The following CPVL variants were observed in gnomAD, a reference collection of about 807,000 sequenced individuals.
CPVL encodes the protein carboxypeptidase vitellogenic like.
CPVL carries 51 observed loss-of-function variants against 63.7 expected under a neutral mutation model. The ratio of observed to expected loss-of-function variants is 0.80; its 90% confidence interval spans 0.64 to 1.01. The LOEUF (loss-of-function observed/expected upper bound fraction) is 1.01, where lower values mean the gene tolerates loss of function less well. Ranked by LOEUF, CPVL falls within the 50% of genes least tolerant of loss-of-function variation. The pLI is 0.00. For missense variants in CPVL, 530 were observed against 573.1 expected (o/e 0.92, Z 0.77); for synonymous variants, 195 against 206.0 (o/e 0.95, Z 0.46).
chr7:29,100,248 A>C (rs1786971615), intron 3 of CPVL, among the ~76,000 whole-genome samples: 1 of 152,030 alleles, frequency 6.6e-6, no homozygotes, highest in African/African-American at 2.4e-5. Flanking sequence ...CTACATGTGA[A>C]CTCCCAGAAG....
intron 9 of CPVL, 49 bp downstream of exon 9, chr7:29,071,724 C>A: frequency 1.4e-6 from 2 of 1,437,984 alleles, no homozygotes; most frequent in East Asian, 2.6e-5. Flanking sequence ...CCCTCCCTCC[C>A]CAGATGGTTT....
chr7:29,139,065 G>A (rs13233841), intron 1 of CPVL, among the ~76,000 whole-genome samples: 1 of 152,132 alleles, frequency 6.6e-6, no homozygotes, highest in African/African-American at 2.4e-5. Flanking sequence ...GCTGAGAAAA[G>A]GTAGAAGGAG....
intron 4 of CPVL, among the ~76,000 whole-genome samples, chr7:29,095,832 T>C (rs1405669807): frequency 6.6e-6 from 1 of 152,160 alleles, no homozygotes; most frequent in Non-Finnish European, 1.5e-5. Flanking sequence ...ACCAACTGTT[T>C]TGCAAACCCA....
At chr7:29,078,439 G>A (rs1239826699) in intron 7 of CPVL, among the ~76,000 whole-genome samples, 1 of 152,212 alleles carries the variant, frequency 6.6e-6, no homozygotes. Flanking sequence ...GACTCAATGA[G>A]ATGAATAAAC....
intron 9 of CPVL, among the ~76,000 whole-genome samples, chr7:29,068,381 C>T (rs1199178057): frequency 1.3e-5 from 2 of 152,132 alleles, no homozygotes; most frequent in Non-Finnish European, 2.9e-5. Context: ...GGGCTAGAGG[C>T]CAAGAATGAA....
Position 29,072,302 on chromosome 7 carries a change from G to A in CPVL, c.731C>T (p.Ser244Leu), listed in dbSNP as rs1783826494. 1.2e-6 allele frequency: 2 copies of A among 1,613,892 alleles called. No individual in the cohort carries two copies. The highest frequency in any genetic ancestry group is 2.2e-5 in the South Asian group (2 of 91,044). The change falls in exon 8 of 13, where the codon TCA becomes TTA. Residue 244 changes from serine to leucine, a missense_variant and splice_region_variant. Coordinates refer to ENST00000265394, the MANE Select transcript of CPVL (RefSeq NM_031311.5). ...AIGDGYSDPE[S>L]IIGGYAEFLY... ...AGAAAGTCAGAAGGAGAAACCTACTGATTCGGGATCAGAATATCCATCTCC... is the reference window on the plus strand; with the variant it reads ...AGAAAGTCAGAAGGAGAAACCTACTAATTCGGGATCAGAATATCCATCTCC...
chr7:29,065,018 G>A (rs1783012522), intron 10 of CPVL, among the ~76,000 whole-genome samples: 1 of 150,652 alleles, frequency 6.6e-6, no homozygotes, highest in South Asian at 2.1e-4. Context: ...ACTTTATGAA[G>A]GACACAAGAC....
chr7:29,031,587 C>T (rs901804597), intron 11 of CPVL, among the ~76,000 whole-genome samples: 23 of 152,166 alleles, frequency 1.5e-4, no homozygotes, highest in Middle Eastern at 3.4e-3. Context: ...CAATTTTCTG[C>T]CCCCAAACTT....
Position 29,088,076 on chromosome 7 carries a change from T to C in CPVL, c.543-1526A>G, listed in dbSNP as rs971060343. The stretch of plus-strand genomic sequence containing the variant: ...TGGAATGGCAGGAGATAATTTAGCA[T>C]AGTAAATCTCAATTAAGCCTTTGGC... On this transcript the variant is annotated intron_variant, in intron 6 of 12. Coordinates refer to ENST00000265394, the MANE Select transcript of CPVL (RefSeq NM_031311.5). Among the ~76,000 whole-genome samples the C allele has an allele frequency of 6.6e-5, 10 of 152,344 alleles. No individual in the cohort carries two copies. In the East Asian group the frequency reaches 9.6e-4, roughly 15 times the overall value.
At chr7:29,135,927 G>GT (rs1394612324) in intron 1 of CPVL, among the ~76,000 whole-genome samples, 8 of 151,984 alleles carry the variant, frequency 5.3e-5, no homozygotes, top group South Asian at 4.2e-4. Context: ...GAACCAGCCA[G>GT]TTTTTTTTGT....
At chr7:29,112,091 G>A (rs185035015) in intron 3 of CPVL, among the ~76,000 whole-genome samples, 1 of 152,224 alleles carries the variant, frequency 6.6e-6, no homozygotes, top group Non-Finnish European at 1.5e-5. Flanking sequence ...TGTCTATAGA[G>A]ATTTGGGAAA....
At chr7:29,074,725 GCTCTCT>G (rs140532968) in intron 7 of CPVL, among the ~76,000 whole-genome samples, 3 of 146,710 alleles carry the variant, frequency 2.0e-5, no homozygotes, top group Admixed American at 1.4e-4. Flanking sequence ...CCCTGCCCAT[GCTCTCT>G]CTCTCTCTCT....
At chr7:29,013,791 C>T (rs999282788) in intron 12 of CPVL, among the ~76,000 whole-genome samples, 5 of 152,218 alleles carry the variant, frequency 3.3e-5, no homozygotes, top group African/African-American at 9.6e-5. Flanking sequence ...TCAGCTCCTT[C>T]GGGGTCTGCC....
Position 29,072,394 on chromosome 7 carries a change from A to C in CPVL, c.639T>G (p.Ile213Met). 2 of 1,614,060 alleles carry C rather than the reference A, an allele frequency of 1.2e-6. No individual in the cohort carries two copies. Among genetic ancestry groups the C allele is most frequent in the African/African-American group, 1.3e-5 (1 of 75,054 alleles). ...ESYAGKYVPA[I>M]AHLIHSLNPV... ...GGTTGAGGGAATGGATGAGGTGTGC[A>C]ATGGCTGGCACATATTTCCCTGCAT... The change falls in exon 8 of 13, where the codon ATT (isoleucine) becomes ATG (methionine). Residue 213 changes from isoleucine to methionine, a missense_variant. Transcript: ENST00000265394.
At chr7:29,194,982 T>C (rs770434026) in intron 1 of CPVL, 11 of 1,586,330 alleles carry the variant, frequency 6.9e-6, no homozygotes, top group Non-Finnish European at 9.4e-6. Flanking sequence ...GGCTCGTCGG[T>C]GTCCTCCGGT....
chr7:29,000,602 A>G (rs1784532601), intron 12 of CPVL, among the ~76,000 whole-genome samples: 1 of 152,150 alleles, frequency 6.6e-6, no homozygotes, highest in South Asian at 2.1e-4. Flanking sequence ...AACAGAAGAG[A>G]CAGATGAACA....
In CPVL at chr7:29,007,188, T is replaced by C. The variant is rs140600034; in HGVS notation, c.1321-11306A>G. Reference sequence around the variant, plus strand: ...AAGTTACGCATTGTTGCCTAGCTGTTACACCTCAATAAATAGATTTGCTAG... The same window carrying C: ...AAGTTACGCATTGTTGCCTAGCTGTCACACCTCAATAAATAGATTTGCTAG... On this transcript the variant is annotated intron_variant, in intron 12 of 12. Transcript: ENST00000265394. Among the ~76,000 whole-genome samples the C allele has an allele frequency of 2.8e-3, 429 of 152,338 alleles. 1 individual carries two copies. The highest frequency in any genetic ancestry group is 9.8e-3 in the African/African-American group (409 of 41,582).
chr7:29,043,855 C>T (rs889115448), intron 11 of CPVL, among the ~76,000 whole-genome samples: 11 of 152,170 alleles, frequency 7.2e-5, no homozygotes, highest in Middle Eastern at 3.4e-3. Flanking sequence ...AGTGTGACAA[C>T]GTGGCTTTCT....
In CPVL at chr7:29,146,428, C is replaced by A. The variant is rs570153400; in HGVS notation, c.-11+1G>T. ...ACCCACGCAGGGCAGGCGGCACTTA[C>A]GCGGCGCAGTCGGTGCTCCTCCCTG... On this transcript the variant is annotated splice_donor_variant, in intron 1 of 12. Coordinates refer to ENST00000265394, the MANE Select transcript of CPVL (RefSeq NM_031311.5). LOFTEE classifies it low-confidence loss of function (5UTR_SPLICE). 8.6e-7 allele frequency: 1 copy of A among 1,163,286 alleles called. No individual in the cohort carries two copies. The highest frequency in any genetic ancestry group is 1.7e-5 in the South Asian group (1 of 58,672). The allele number at this position is 1,163,286 out of a possible 1,614,324, so 72.1% of individuals were successfully genotyped here.
Sources: allele counts gnomAD v4.1 joint callset (sites outside exome capture counted in the v4.1 genomes callset), GRCh38; gene constraint gnomAD v4.1.1; transcripts MANE v1.5; gene names NCBI Gene and HGNC (gene_info 2026-07-23, HGNC 2026-07-21).